Variants in PCGF2 observed in about 807,000 individuals in gnomAD.
PCGF2 encodes polycomb group RING finger protein 2.
In PCGF2, 8 loss-of-function variants were observed where a neutral mutation model predicts 36.1. The observed-to-expected ratio is 0.22, with a 90% CI of 0.13 to 0.40. The LOEUF (loss-of-function observed/expected upper bound fraction) is 0.40. Among genes scored for constraint, PCGF2 ranks in the 10% least tolerant of loss-of-function variants. The pLI, the probability that PCGF2 is intolerant of heterozygous loss-of-function variation, is 1.00. For synonymous variants in PCGF2, 198 were observed against 191.2 expected (o/e 1.04, Z -0.29); for missense variants, 436 against 475.9 (o/e 0.92, Z 0.78).
chr17:38,742,847 CAT>C (rs1470401308), intron 2 of PCGF2, among the ~76,000 whole-genome samples: 1 of 152,194 alleles, frequency 6.6e-6, no homozygotes, highest in Non-Finnish European at 1.5e-5. Context: ...GCCTGTCAGT[CAT>C]ATGTGTGTCC....
chr17:38,741,201 G>A (rs1346761380), intron 2 of PCGF2, among the ~76,000 whole-genome samples: 1 of 151,668 alleles, frequency 6.6e-6, no homozygotes, highest in Admixed American at 6.6e-5. Flanking sequence ...AGTCTGGGTG[G>A]TCGAGGCTAC....
intron 2 of PCGF2, among the ~76,000 whole-genome samples, chr17:38,741,900 C>T (rs1184740248): frequency 6.6e-6 from 1 of 152,062 alleles, no homozygotes; most frequent in Non-Finnish European, 1.5e-5. Flanking sequence ...GTCCAGGAAC[C>T]CCCCTTTCAT....
chr17:38,737,579 G>A (rs573061696), intron 9 of PCGF2, among the ~76,000 whole-genome samples: 1 of 152,342 alleles, frequency 6.6e-6, no homozygotes, highest in South Asian at 2.1e-4. Context: ...CTGTCCTAGA[G>A]TGTGATCCAT....
rs1906966640 is a variant in PCGF2 at position 38,738,806 on chromosome 17, A to C, written c.372T>G (p.Ala124=). Residue 124 remains alanine (A), a synonymous_variant, in exon 7 of 11, where the codon GCT becomes GCG. Coordinates refer to ENST00000620225, the MANE Select transcript of PCGF2 (RefSeq NM_007144.3). ...RGEVLEQEKG[A]LSDDEIVSLS... The stretch of plus-strand genomic sequence containing the variant: ...GGCTGACAATCTCATCATCACTCAG[A>C]GCCCCCTTCTCCTGCTCCAAGACCT... The C allele has an allele frequency of 1.2e-6, 2 of 1,614,042 alleles. No homozygotes were observed. Among genetic ancestry groups the C allele is most frequent in the Admixed American group, 3.3e-5 (2 of 60,014 alleles).
At position 38,740,310 on chromosome 17, in the gene PCGF2, G is replaced by A. The variant is rs774651597; in HGVS notation, c.93C>T (p.Ile31=). The A allele has an allele frequency of 6.8e-6, 11 of 1,612,346 alleles. No homozygotes were observed. Among genetic ancestry groups the A allele is most frequent in the East Asian group, 4.5e-5 (2 of 44,826 alleles). The change falls in exon 3 of 11, where the codon ATC becomes ATT. Residue 31 remains isoleucine (I), a synonymous_variant. Coordinates refer to ENST00000620225, the MANE Select transcript of PCGF2 (RefSeq NM_007144.3). ...CGGYFIDATT[I]VECLHSFCKT... is the part of the protein sequence containing the mutation. ...ACTCACAGGAATGCAGGCACTCCACGATAGTGGTGGCGTCGATGAAGTACC... is the reference window on the plus strand; with the variant it reads ...ACTCACAGGAATGCAGGCACTCCACAATAGTGGTGGCGTCGATGAAGTACC...
In PCGF2 at chr17:38,734,413, G is replaced by A. The variant is rs1844097374; in HGVS notation, c.*810C>T. On this transcript the variant is annotated 3_prime_UTR_variant, in exon 11 of 11. Transcript: ENST00000620225. Reference sequence around the variant, plus strand: ...GTTCCCCGGTGAGGGTAAGGTTGGTGGGGGTGCAGCGCTTCACAATGCTAA... The same window carrying A: ...GTTCCCCGGTGAGGGTAAGGTTGGTAGGGGTGCAGCGCTTCACAATGCTAA... 6.6e-6 allele frequency: 1 copy of A among 152,330 alleles called. No individual in the cohort carries two copies. The highest frequency in any genetic ancestry group is 6.6e-5 in the Admixed American group (1 of 15,264). 9.4% of individuals were successfully genotyped at this position (152,330 alleles called of 1,614,324 possible). A position where few individuals can be genotyped will look rare whatever the true frequency, so the allele number is the denominator to read the frequency against.
In PCGF2 at chr17:38,735,004, T is replaced by C. The variant is rs1906569716; in HGVS notation, c.*219A>G. 2.6e-6 allele frequency: 1 copy of C among 380,574 alleles called. No individual in the cohort carries two copies. The highest frequency in any genetic ancestry group is 4.7e-6 in the Non-Finnish European group (1 of 214,382). The allele number at this position is 380,574 out of a possible 1,614,324, so 23.6% of individuals were successfully genotyped here. A position where few individuals can be genotyped will look rare whatever the true frequency, so the allele number is the denominator to read the frequency against. Reference sequence around the variant, plus strand: ...CACATACACACACACATAAAGTTTGTTTCCTGTGGCATTTAAATTAATCTG... The same window carrying C: ...CACATACACACACACATAAAGTTTGCTTCCTGTGGCATTTAAATTAATCTG... On this transcript the variant is annotated 3_prime_UTR_variant, in exon 11 of 11. Coordinates refer to ENST00000620225, the MANE Select transcript of PCGF2 (RefSeq NM_007144.3).
chr17:38,738,811 C>G lies in PCGF2; in HGVS notation c.367G>C (p.Gly123Arg). The G allele has an allele frequency of 6.2e-7, 1 of 1,614,114 alleles. No individual in the cohort carries two copies. Among genetic ancestry groups the G allele is most frequent in the Non-Finnish European group, 8.5e-7 (1 of 1,180,002 alleles). Residue 123 changes from glycine (G) to arginine (R), a missense_variant, in exon 7 of 11, where the codon GGG becomes CGG. Gly to Arg is a moderately radical substitution (Grantham distance 125). Around this residue, in one of 3 missense-constraint regions of PCGF2, gnomAD observed 189 missense variants for 219.3 expected, o/e 0.86. Coordinates refer to ENST00000620225, the MANE Select transcript of PCGF2 (RefSeq NM_007144.3). ...DRGEVLEQEK[G>R]ALSDDEIVSL... ...ACAATCTCATCATCACTCAGAGCCC[C>G]CTTCTCCTGCTCCAAGACCTCGCCG... is the stretch of plus-strand genomic sequence containing the variant.
chr17:38,745,618 G>A (rs147966022), intron 2 of PCGF2, among the ~76,000 whole-genome samples: 1 of 152,398 alleles, frequency 6.6e-6, no homozygotes, highest in East Asian at 1.9e-4. Flanking sequence ...TGGCAGTCCT[G>A]TGACAAGAAA....
At position 38,739,299 on chromosome 17, in the gene PCGF2, C is replaced by A. The variant is rs113061894; in HGVS notation, c.210-46G>T. 113 of 1,555,940 alleles carry A rather than the reference C, an allele frequency of 7.3e-5. 2 individuals carry two copies. The Middle Eastern group carries it at 2.5e-3, about 34-fold the overall frequency. On this transcript the variant is annotated intron_variant, in intron 4 of 10. Coordinates refer to ENST00000620225, the MANE Select transcript of PCGF2 (RefSeq NM_007144.3). The surrounding 1 kb of genome is among the most constrained non-coding windows in gnomAD (Gnocchi z 4.0). ...CTTATCAGCAATGCCTTCTCCAGAG[C>A]GCTCCGACCTCGCCCTGCTCTCCCA...
chr17:38,748,375 A>T (rs933375003), upstream of PCGF2: 2 of 8,740 alleles, frequency 2.3e-4, no homozygotes, highest in East Asian at 8.5e-3. Flanking sequence ...GAGGGGACCG[A>T]GGGGGGAGGG....
In PCGF2 at chr17:38,739,446, A is replaced by G; in HGVS notation, c.209+140T>C. 1.1e-6 allele frequency: 1 copy of G among 874,990 alleles called. No homozygotes were observed. The highest frequency in any genetic ancestry group is 1.9e-6 in the Non-Finnish European group (1 of 528,274). 54.2% of individuals were successfully genotyped at this position (874,990 alleles called of 1,614,324 possible). On this transcript the variant is annotated intron_variant, in intron 4 of 10. Transcript: ENST00000620225. The surrounding 1 kb of genome is among the most constrained non-coding windows in gnomAD (Gnocchi z 4.0). ...CTGTGATGAGCCAAATGTAACCCCA[A>G]GGTCGGGGAGTAGCCCAGGTCCACA...
chr17:38,744,357 C>CT (rs959325544), intron 2 of PCGF2, among the ~76,000 whole-genome samples: 47 of 150,058 alleles, frequency 3.1e-4, no homozygotes, highest in South Asian at 4.2e-4. Context: ...CTCTCTCTCT[C>CT]TTTTTTTTTT....
intron 2 of PCGF2, among the ~76,000 whole-genome samples, chr17:38,744,707 G>T (rs998749550): frequency 1.3e-5 from 2 of 152,070 alleles, no homozygotes; most frequent in Non-Finnish European, 2.9e-5. Flanking sequence ...TGCAATTTAG[G>T]CCTCTCTCAC....
intron 2 of PCGF2, among the ~76,000 whole-genome samples, chr17:38,744,215 T>A (rs1907392885): frequency 6.6e-6 from 1 of 152,180 alleles, no homozygotes; most frequent in African/African-American, 2.4e-5. Flanking sequence ...GGTCTGGCTA[T>A]TGCTAATGTG....
In PCGF2 at chr17:38,734,020, C is replaced by T. The variant is rs1188992763; in HGVS notation, c.*1203G>A. On this transcript the variant is annotated 3_prime_UTR_variant, in exon 11 of 11. Coordinates refer to ENST00000620225, the MANE Select transcript of PCGF2 (RefSeq NM_007144.3). ...ACACAGACAAGCCCATCAGGGGGCT[C>T]CCAACCCCACACACCTACGCTATGA... 6.5e-6 allele frequency: 1 copy of T among 152,890 alleles called. No individual in the cohort carries two copies. The highest frequency in any genetic ancestry group is 2.4e-5 in the African/African-American group (1 of 41,586). The allele number at this position is 152,890 out of a possible 1,614,324, so 9.5% of individuals were successfully genotyped here.
Position 38,735,552 on chromosome 17 carries a change from G to A in PCGF2, c.706C>T (p.Leu236Phe), listed in dbSNP as rs189346950. 96 of 1,586,332 alleles carry A rather than the reference G, an allele frequency of 6.1e-5. No homozygotes were observed. In the East Asian group the frequency reaches 2.1e-3, roughly 34 times the overall value. Reference protein sequence around the residue: ...KYRVQPACKRLTLATVPTPSE... With the variant: ...KYRVQPACKRFTLATVPTPSE... ...GGGGTGGGCACCGTGGCTAGGGTGAGCCGCTTGCAGGCTGGCTGGACACGG... is the reference window on the plus strand; with the variant it reads ...GGGGTGGGCACCGTGGCTAGGGTGAACCGCTTGCAGGCTGGCTGGACACGG... The change falls in exon 11 of 11, where the codon CTC becomes TTC. Residue 236 changes from leucine to phenylalanine, a missense_variant. This residue lies in a region of PCGF2 where 227 missense variants were observed against 212.9 expected (regional missense o/e 1.07). Coordinates refer to ENST00000620225, the MANE Select transcript of PCGF2 (RefSeq NM_007144.3).
chr17:38,734,976 C>T lies in PCGF2; in HGVS notation c.*247G>A. On this transcript the variant is annotated 3_prime_UTR_variant, in exon 11 of 11. Coordinates refer to ENST00000620225, the MANE Select transcript of PCGF2 (RefSeq NM_007144.3). ...CCCCAAAAAAAATGAACACCATTTT[C>T]CACACATACACACACACATAAAGTT... 1 of 345,188 alleles carries T rather than the reference C, an allele frequency of 2.9e-6. No homozygotes were observed. The highest frequency in any genetic ancestry group is 5.2e-6 in the Non-Finnish European group (1 of 193,552). 21.4% of individuals were successfully genotyped at this position (345,188 alleles called of 1,614,324 possible).
chr17:38,740,575 T>C (rs866838073), intron 2 of PCGF2, 133 bp from the exon 3 acceptor site: 276 of 597,578 alleles, frequency 4.6e-4, no homozygotes, highest in Middle Eastern at 3.7e-3. Flanking sequence ...TTGACTAACA[T>C]GGTGAAACCC....
Sources: allele counts gnomAD v4.1 joint callset (sites outside exome capture counted in the v4.1 genomes callset), GRCh38; gene constraint gnomAD v4.1.1; regional missense constraint gnomAD v4.1.1; non-coding constraint Gnocchi (gnomAD v3.1); transcripts MANE v1.5; gene names NCBI Gene and HGNC (gene_info 2026-07-23, HGNC 2026-07-21).